Variants in HSBP1 observed in about 807,000 individuals in gnomAD.
HSBP1 encodes the protein heat shock factor-binding protein 1.
In HSBP1, 5 loss-of-function variants were observed where a neutral mutation model predicts 9.6. That is an observed-to-expected ratio of 0.52 (90% confidence interval 0.27 to 1.09). The LOEUF is 1.09. Ranked by LOEUF, HSBP1 falls within the 50% of genes least tolerant of loss-of-function variation. The pLI is 0.11. For synonymous variants in HSBP1, 42 were observed against 33.3 expected, an observed-to-expected ratio of 1.26 and a Z score of -0.90; for missense variants, 121 against 96.3, an observed-to-expected ratio of 1.26 and a Z score of -1.07.
At position 83,819,134 on chromosome 16, in the gene HSBP1, TG is replaced by T. The variant is rs1318661090; in HGVS notation, c.*7718del. 2 of 151,960 alleles carry T rather than the reference TG, an allele frequency of 1.3e-5. No individual in the cohort carries two copies. The highest frequency in any genetic ancestry group is 4.8e-5 in the African/African-American group (2 of 41,380). 9.4% of individuals were successfully genotyped at this position (151,960 alleles called of 1,614,324 possible). A position where few individuals can be genotyped will look rare whatever the true frequency, so the allele number is the denominator to read the frequency against. Reference sequence around the variant, plus strand: ...GGTTGCCCAACACCCTTTAGTCTAATGGCTTTAGGGTCAAATATGTCTAAAC... The same window carrying T: ...GGTTGCCCAACACCCTTTAGTCTAATGCTTTAGGGTCAAATATGTCTAAAC... On this transcript the variant is annotated 3_prime_UTR_variant, in exon 4 of 4. Coordinates refer to ENST00000433866, the MANE Select transcript of HSBP1 (RefSeq NM_001537.4).
At position 83,809,118 on chromosome 16, in the gene HSBP1, C is replaced by G. The variant is rs551514394; in HGVS notation, c.113-187C>G. 1.1e-5 allele frequency: 6 copies of G among 569,800 alleles called. No individual in the cohort carries two copies. In the South Asian group the frequency reaches 1.4e-4, roughly 13 times the overall value. 35.3% of individuals were successfully genotyped at this position (569,800 alleles called of 1,614,324 possible). ...GTTCCATCACTAGTAAGGGTCAGGGCTGGAATCCGATGCGGGGTAGCCATG... is the reference window on the plus strand; with the variant it reads ...GTTCCATCACTAGTAAGGGTCAGGGGTGGAATCCGATGCGGGGTAGCCATG... On this transcript the variant is annotated intron_variant, in intron 2 of 3. Coordinates refer to ENST00000433866, the MANE Select transcript of HSBP1 (RefSeq NM_001537.4).
rs1317071981 is a variant in HSBP1 at position 83,808,404 on chromosome 16, C to T, written c.46-276C>T. On this transcript the variant is annotated intron_variant, in intron 1 of 3. Coordinates refer to ENST00000433866, the MANE Select transcript of HSBP1 (RefSeq NM_001537.4). ...TCCCGCCTACCTCTGACACCCTCCC[C>T]GCCCTTCAACTCCTCACACACCCCC... is the stretch of plus-strand genomic sequence containing the variant. 2.3e-5 allele frequency: 13 copies of T among 560,988 alleles called. No homozygotes were observed. In the East Asian group the frequency reaches 3.7e-4, roughly 16 times the overall value. 34.8% of individuals were successfully genotyped at this position (560,988 alleles called of 1,614,324 possible).
rs961019911 is a variant in HSBP1, at chr16:83,819,035, A to C, written c.*7617A>C. 1 of 151,700 alleles carries C rather than the reference A, an allele frequency of 6.6e-6. No homozygotes were observed. The highest frequency in any genetic ancestry group is 1.5e-5 in the Non-Finnish European group (1 of 67,902). 9.4% of individuals were successfully genotyped at this position (151,700 alleles called of 1,614,324 possible). A position where few individuals can be genotyped will look rare whatever the true frequency, so the allele number is the denominator to read the frequency against. On this transcript the variant is annotated 3_prime_UTR_variant, in exon 4 of 4. Transcript: ENST00000433866. ...AGGGAGGTCCAGCAGCCTGGGTTTT[A>C]ACACATCCTCCAGGCGATTCTGAGA...
intron 1 of HSBP1, 166 bp downstream of exon 1, chr16:83,808,287 C>A: frequency 1.6e-6 from 1 of 620,730 alleles, no homozygotes; most frequent in Non-Finnish European, 2.7e-6. Flanking sequence ...ACCCCCGGGG[C>A]GCTCGGTGCG....
chr16:83,811,746 G>A lies in HSBP1; in HGVS notation c.*328G>A, dbSNP rs943970499. The A allele has an allele frequency of 1.3e-5, 2 of 152,094 alleles. No homozygotes were observed. The highest frequency in any genetic ancestry group is 2.9e-5 in the Non-Finnish European group (2 of 68,020). The allele number at this position is 152,094 out of a possible 1,614,324, so 9.4% of individuals were successfully genotyped here. A position where few individuals can be genotyped will look rare whatever the true frequency, so the allele number is the denominator to read the frequency against. The stretch of plus-strand genomic sequence containing the variant: ...TTCCTTTTGTAGTAGTTGCTGTTTG[G>A]ATAAAAGTTGATGTGTGATTTTTTA... On this transcript the variant is annotated 3_prime_UTR_variant, in exon 4 of 4. Transcript: ENST00000433866.
rs1248935002 is a variant in HSBP1 at position 83,812,702 on chromosome 16, G to T, written c.*1284G>T. 6.6e-6 allele frequency: 1 copy of T among 152,184 alleles called. No homozygotes were observed. The highest frequency in any genetic ancestry group is 1.5e-5 in the Non-Finnish European group (1 of 68,054). 9.4% of individuals were successfully genotyped at this position (152,184 alleles called of 1,614,324 possible). Reference sequence around the variant, plus strand: ...TGTGATAAAATGAATTCACCACTCTGGTTACCCAACTACAGAACCTCCTTT... The same window carrying T: ...TGTGATAAAATGAATTCACCACTCTTGTTACCCAACTACAGAACCTCCTTT... On this transcript the variant is annotated 3_prime_UTR_variant, in exon 4 of 4. Coordinates refer to ENST00000433866, the MANE Select transcript of HSBP1 (RefSeq NM_001537.4).
chr16:83,808,192 GA>G (rs1402502956), intron 1 of HSBP1, 71 bp downstream of exon 1: 1 of 1,326,666 alleles, frequency 7.5e-7, no homozygotes, highest in Admixed American at 2.9e-5. Context: ...CTGCTGGACA[GA>G]GGCGCGCCCA....
In HSBP1 at chr16:83,815,059, A is replaced by C. The variant is rs907037547; in HGVS notation, c.*3641A>C. On this transcript the variant is annotated 3_prime_UTR_variant, in exon 4 of 4. Coordinates refer to ENST00000433866, the MANE Select transcript of HSBP1 (RefSeq NM_001537.4). ...TATTGCAACGAAGACTTTTAAATGGACTCATGAAGAAGCCATCACCTGGAA... is the reference window on the plus strand; with the variant it reads ...TATTGCAACGAAGACTTTTAAATGGCCTCATGAAGAAGCCATCACCTGGAA... The C allele has an allele frequency of 6.6e-6, 1 of 152,040 alleles. No individual in the cohort carries two copies. Among genetic ancestry groups the C allele is most frequent in the African/African-American group, 2.4e-5 (1 of 41,458 alleles). 9.4% of individuals were successfully genotyped at this position (152,040 alleles called of 1,614,324 possible). A position where few individuals can be genotyped will look rare whatever the true frequency, so the allele number is the denominator to read the frequency against.
chr16:83,808,822 G>T (rs1904526895), intron 2 of HSBP1, 76 bp downstream of exon 2: 2 of 1,033,026 alleles, frequency 1.9e-6, no homozygotes, highest in East Asian at 2.5e-5. Flanking sequence ...GGATAAATGA[G>T]TAGTTTTCAG....
Position 83,813,126 on chromosome 16 carries a change from G to A in HSBP1, c.*1708G>A, listed in dbSNP as rs934202678. The A allele has an allele frequency of 1.3e-5, 2 of 152,400 alleles. No individual in the cohort carries two copies. The highest frequency in any genetic ancestry group is 1.9e-4 in the East Asian group (1 of 5,200). The allele number at this position is 152,400 out of a possible 1,614,324, so 9.4% of individuals were successfully genotyped here. On this transcript the variant is annotated 3_prime_UTR_variant, in exon 4 of 4. Transcript: ENST00000433866. Reference sequence around the variant, plus strand: ...AGGCAAAGCAGGAGAGGGGGTGTTGGGGGAGGTTGCCTGCTGGAAGGGGAA... The same window carrying A: ...AGGCAAAGCAGGAGAGGGGGTGTTGAGGGAGGTTGCCTGCTGGAAGGGGAA...
rs749794680 is a variant in HSBP1, at chr16:83,808,161, C to T, written c.45+40C>T. On this transcript the variant is annotated intron_variant, in intron 1 of 3. Transcript: ENST00000433866. ...TGAGGGCCGGAGGCCGCGGCCTTCC[C>T]GGGCGGCGCCGGGCCAAGCCCTGCT... The T allele has an allele frequency of 1.3e-5, 20 of 1,514,800 alleles. No homozygotes were observed. In the South Asian group the frequency reaches 2.2e-4, roughly 16 times the overall value. The allele number at this position is 1,514,800 out of a possible 1,614,324, so 93.8% of individuals were successfully genotyped here.
Position 83,808,095 on chromosome 16 carries a change from A to G in HSBP1, c.19A>G (p.Lys7Glu), listed in dbSNP as rs1440644446. MAETDP[K>E]TVQDLTSVVQ... ...CGGGGAGATGGCCGAGACTGACCCCAAGACCGTGCAGGACCTCACCTCGGT... is the reference window on the plus strand; with the variant it reads ...CGGGGAGATGGCCGAGACTGACCCCGAGACCGTGCAGGACCTCACCTCGGT... Residue 7 changes from lysine (K) to glutamate (E), a missense_variant, in exon 1 of 4, where the codon AAG (lysine) becomes GAG (glutamate). By Grantham distance (56) the Lys-to-Glu change is moderately conservative. Transcript: ENST00000433866. 1 of 1,547,314 alleles carries G rather than the reference A, an allele frequency of 6.5e-7. No individual in the cohort carries two copies. The highest frequency in any genetic ancestry group is 1.2e-5 in the South Asian group (1 of 84,012).
Position 83,811,589 on chromosome 16 carries a change from A to T in HSBP1, c.*171A>T, listed in dbSNP as rs1904602157. 6.6e-6 allele frequency: 1 copy of T among 152,200 alleles called. No individual in the cohort carries two copies. The highest frequency in any genetic ancestry group is 1.5e-5 in the Non-Finnish European group (1 of 68,042). The allele number at this position is 152,200 out of a possible 1,614,324, so 9.4% of individuals were successfully genotyped here. ...GAGTGATTTCCCCCCAGTTTCTTGA[A>T]CATGGTATCTTCACATCTTGGACCT... On this transcript the variant is annotated 3_prime_UTR_variant, in exon 4 of 4. Coordinates refer to ENST00000433866, the MANE Select transcript of HSBP1 (RefSeq NM_001537.4).
chr16:83,817,222 C>CAA lies in HSBP1; in HGVS notation c.*5804_*5805insAA, dbSNP rs1904740458. 2.0e-5 allele frequency: 3 copies of CAA among 152,280 alleles called. No homozygotes were observed. The highest frequency in any genetic ancestry group is 7.2e-5 in the African/African-American group (3 of 41,474). The allele number at this position is 152,280 out of a possible 1,614,324, so 9.4% of individuals were successfully genotyped here. A position where few individuals can be genotyped will look rare whatever the true frequency, so the allele number is the denominator to read the frequency against. On this transcript the variant is annotated 3_prime_UTR_variant, in exon 4 of 4. Transcript: ENST00000433866. ...GTAATTCACCAAGTTCCATGGGATT[C>CAA]CGCCACGCCCGTGTCAACCCAGCTG...
chr16:83,811,248 T>G (rs1223150871), intron 3 of HSBP1, among the ~76,000 whole-genome samples, 173 bp from the exon 4 acceptor site: 1 of 152,236 alleles, frequency 6.6e-6, no homozygotes, highest in African/African-American at 2.4e-5. Flanking sequence ...AAACTGACTC[T>G]GAAACTTTTA....
chr16:83,808,515 G>T, intron 1 of HSBP1, 165 bp from the exon 2 acceptor site: 1 of 606,664 alleles, frequency 1.6e-6, no homozygotes. Context: ...TAATTGGACA[G>T]GTTGGAAAAC....
chr16:83,809,028 G>A (rs560428505), intron 2 of HSBP1: 2 of 551,318 alleles, frequency 3.6e-6, no homozygotes, highest in Non-Finnish European at 6.4e-6. Context: ...TTGATGCTCA[G>A]CATGACCTTA....
chr16:83,813,192 A>G lies in HSBP1; in HGVS notation c.*1774A>G, dbSNP rs1472540251. On this transcript the variant is annotated 3_prime_UTR_variant, in exon 4 of 4. Coordinates refer to ENST00000433866, the MANE Select transcript of HSBP1 (RefSeq NM_001537.4). ...GAGGGCTTGCCAAGACTGGCATTGC[A>G]GGAGACTTGTCTCAGGTGTGTTCCC... 1 of 152,428 alleles carries G rather than the reference A, an allele frequency of 6.6e-6. No individual in the cohort carries two copies. The highest frequency in any genetic ancestry group is 1.9e-4 in the East Asian group (1 of 5,196). 9.4% of individuals were successfully genotyped at this position (152,428 alleles called of 1,614,324 possible).
chr16:83,813,639 A>G lies in HSBP1; in HGVS notation c.*2221A>G, dbSNP rs1286387449. The G allele has an allele frequency of 1.3e-5, 2 of 152,292 alleles. No homozygotes were observed. Among genetic ancestry groups the G allele is most frequent in the Non-Finnish European group, 2.9e-5 (2 of 68,110 alleles). The allele number at this position is 152,292 out of a possible 1,614,324, so 9.4% of individuals were successfully genotyped here. On this transcript the variant is annotated 3_prime_UTR_variant, in exon 4 of 4. Transcript: ENST00000433866. ...TGTCCAAGGGTCTTTTTTATACTAT[A>G]TGAAGTATTCCTTCTCCAGCTATTC...
Sources: allele counts gnomAD v4.1 joint callset (sites outside exome capture counted in the v4.1 genomes callset), GRCh38; gene constraint gnomAD v4.1.1; transcripts MANE v1.5; gene names NCBI Gene and HGNC (gene_info 2026-07-23, HGNC 2026-07-21).